The following RAB27B variants were observed in gnomAD, a reference collection of about 807,000 sequenced individuals.
RAB27B encodes the protein ras-related protein Rab-27B.
Under a neutral mutation model 24.6 loss-of-function variants are expected in RAB27B, and 15 were observed. The observed-to-expected ratio is 0.61, with a 90% CI of 0.41 to 0.94. RAB27B has a LOEUF of 0.94. Ranked by LOEUF, RAB27B falls within the 40% of genes least tolerant of loss-of-function variation. The pLI is 0.00. For missense variants in RAB27B, 261 were observed against 266.8 expected (o/e 0.98, Z 0.15); for synonymous variants, 105 against 92.5 (o/e 1.14, Z -0.78).
At chr18:54,766,507 T>A (rs1672429371) in intron 2 of RAB27B, among the ~76,000 whole-genome samples, 1 of 152,152 alleles carries the variant, frequency 6.6e-6, no homozygotes, top group Non-Finnish European at 1.5e-5. Flanking sequence ...GTTTTTTGTT[T>A]TGGTGTGTTT....
chr18:54,794,428 G>C (rs764616071), intron 2 of RAB27B, among the ~76,000 whole-genome samples: 5 of 152,192 alleles, frequency 3.3e-5, no homozygotes, highest in Non-Finnish European at 7.4e-5. Flanking sequence ...CTGTATTAAA[G>C]GTGTGCCTTT....
intron 2 of RAB27B, among the ~76,000 whole-genome samples, chr18:54,718,392 A>T (rs1172285875): frequency 6.6e-6 from 1 of 152,128 alleles, no homozygotes; most frequent in Admixed American, 6.6e-5. Flanking sequence ...TTGAATGGGA[A>T]AGAGATTTTG....
intron 2 of RAB27B, among the ~76,000 whole-genome samples, chr18:54,740,022 C>A (rs1910025764): frequency 6.6e-6 from 1 of 152,042 alleles, no homozygotes; most frequent in Admixed American, 6.6e-5. Flanking sequence ...CAAATATGTT[C>A]TTCTCTCATT....
chr18:54,755,758 T>C (rs1907985622), intron 2 of RAB27B, among the ~76,000 whole-genome samples: 1 of 152,222 alleles, frequency 6.6e-6, no homozygotes. Context: ...AAATCAATAA[T>C]AGCAAATGCC....
intron 2 of RAB27B, among the ~76,000 whole-genome samples, chr18:54,816,625 T>C (rs185533866): frequency 6.6e-6 from 1 of 152,282 alleles, no homozygotes; most frequent in Non-Finnish European, 1.5e-5. Context: ...TTCCAGTTAG[T>C]TGGAGAAAAC....
chr18:54,797,963 G>T (rs1212179557), intron 2 of RAB27B, among the ~76,000 whole-genome samples: 2 of 152,194 alleles, frequency 1.3e-5, no homozygotes, highest in African/African-American at 4.8e-5. Context: ...ATTAGTGTCA[G>T]CTCTACCCTT....
chr18:54,881,376 C>T (rs77905616), intron 3 of RAB27B, among the ~76,000 whole-genome samples: 130 of 151,972 alleles, frequency 8.6e-4, no homozygotes, highest in African/African-American at 3.1e-3. Context: ...GTTATCTCTG[C>T]ATTCTATCTC....
Position 54,819,002 on chromosome 18 carries a change from G to T in RAB27B, c.-19-58565G>T, listed in dbSNP as rs566926620. ...TTTTCTTCCAGCCACTCAACCTTCA[G>T]TAGCAATGAAATCTGTAGCTAAAAA... On this transcript the variant is annotated intron_variant, in intron 2 of 4. Transcript: ENST00000586570. 5.3e-4 allele frequency among the ~76,000 whole-genome samples: 81 copies of T among 151,632 alleles called. 1 individual carries two copies. The highest frequency in any genetic ancestry group is 2.0e-3 in the African/African-American group (81 of 41,424).
chr18:54,823,464 G>A (rs543923945), intron 2 of RAB27B, among the ~76,000 whole-genome samples: 54 of 152,300 alleles, frequency 3.5e-4, no homozygotes, highest in Non-Finnish European at 7.4e-4. Context: ...AGGATGAAAG[G>A]CATTATCATG....
intron 1 of RAB27B, among the ~76,000 whole-genome samples, chr18:54,867,240 A>G (rs1912266887): frequency 6.6e-6 from 1 of 152,132 alleles, no homozygotes; most frequent in South Asian, 2.1e-4. Context: ...AGGTACCTCT[A>G]AATTCTTATC....
chr18:54,727,063 A>G (rs1598860370), intron 2 of RAB27B, among the ~76,000 whole-genome samples: 1 of 151,928 alleles, frequency 6.6e-6, no homozygotes, highest in South Asian at 2.1e-4. Context: ...GCTCACTGCA[A>G]CCTCCGCCTC....
chr18:54,782,479 C>T (rs1177273812), intron 2 of RAB27B, among the ~76,000 whole-genome samples: 4 of 152,206 alleles, frequency 2.6e-5, no homozygotes, highest in African/African-American at 9.6e-5. Flanking sequence ...TCTACTTACT[C>T]TAAGAACCTT....
chr18:54,733,365 A>G (rs187749585), intron 2 of RAB27B, among the ~76,000 whole-genome samples: 4 of 152,234 alleles, frequency 2.6e-5, no homozygotes, highest in Admixed American at 1.3e-4. Flanking sequence ...AAGTCTTCTT[A>G]GAGTCCAGGT....
chr18:54,742,437 C>T (rs924724118), intron 2 of RAB27B, among the ~76,000 whole-genome samples: 8 of 152,092 alleles, frequency 5.3e-5, no homozygotes, highest in African/African-American at 1.9e-4. Context: ...TCTATCAGAA[C>T]GGAAGGCAGG....
chr18:54,782,289 T>C (rs1340016986), intron 2 of RAB27B, among the ~76,000 whole-genome samples: 1 of 152,218 alleles, frequency 6.6e-6, no homozygotes, highest in Non-Finnish European at 1.5e-5. Flanking sequence ...ACAAAATGTA[T>C]TGAAATTTGA....
intron 2 of RAB27B, among the ~76,000 whole-genome samples, chr18:54,773,044 C>G (rs2145074173): frequency 6.6e-6 from 1 of 151,384 alleles, no homozygotes; most frequent in East Asian, 1.9e-4. Flanking sequence ...AATTGCCATG[C>G]CTATACTTCT....
At chr18:54,811,944 T>C (rs1040936784) in intron 2 of RAB27B, among the ~76,000 whole-genome samples, 21 of 152,220 alleles carry the variant, frequency 1.4e-4, no homozygotes, top group African/African-American at 4.8e-4. Context: ...CAATACTTTT[T>C]TACAGTACCT....
chr18:54,855,547 CTCTTCAGTAG>C (rs1322943962), intron 1 of RAB27B, among the ~76,000 whole-genome samples: 1 of 152,136 alleles, frequency 6.6e-6, no homozygotes, highest in Non-Finnish European at 1.5e-5. Flanking sequence ...GTGGAGTTCC[CTCTTCAGTAG>C]TCTTACCCTT....
chr18:54,809,935 G>A (rs1287937857), intron 2 of RAB27B, among the ~76,000 whole-genome samples: 2 of 152,124 alleles, frequency 1.3e-5, no homozygotes, highest in Non-Finnish European at 1.5e-5. Flanking sequence ...AAACAGTTAT[G>A]TTTTACTGTT....
Sources: allele counts gnomAD v4.1 joint callset (sites outside exome capture counted in the v4.1 genomes callset), GRCh38; gene constraint gnomAD v4.1.1; transcripts MANE v1.5; gene names NCBI Gene and HGNC (gene_info 2026-07-23, HGNC 2026-07-21).